Variants in VPS45 observed in about 807,000 individuals in gnomAD.
The protein encoded by VPS45 is vacuolar protein sorting 45 homolog, also known as vacuolar protein sorting-associated protein 45.
In VPS45, 35 loss-of-function variants were observed where a neutral mutation model predicts 75.9. The observed-to-expected ratio is 0.46, with a 90% CI of 0.35 to 0.61. The LOEUF (loss-of-function observed/expected upper bound fraction) is 0.61, where lower values mean the gene tolerates loss of function less well. VPS45 is among the 20% of genes least tolerant of loss of function. VPS45 has a pLI of 0.00. For missense variants in VPS45, 559 were observed against 685.9 expected (o/e 0.81, Z 2.07); for synonymous variants, 220 against 238.2 (o/e 0.92, Z 0.70).
intron 13 of VPS45, among the ~76,000 whole-genome samples, chr1:150,097,717 TCAAAACAAAA>T (rs587671669): frequency 2.0e-5 from 3 of 151,796 alleles, no homozygotes; most frequent in African/African-American, 4.8e-5. Flanking sequence ...AGGCTCCGTC[TCAAAACAAAA>T]CAAAACAAAA....
intron 10 of VPS45, 163 bp downstream of exon 10, chr1:150,083,046 G>A: frequency 2.8e-6 from 2 of 725,656 alleles, no homozygotes; most frequent in Non-Finnish European, 2.1e-6. Flanking sequence ...TCTATAAAAA[G>A]AGTCACAAGA....
chr1:150,143,455 G>A (rs1180807626), intron 14 of VPS45, among the ~76,000 whole-genome samples: 1 of 152,096 alleles, frequency 6.6e-6, no homozygotes, highest in Non-Finnish European at 1.5e-5. Context: ...CAGCATGGTA[G>A]TATATGCCTG....
chr1:150,110,594 T>C lies in VPS45; in HGVS notation c.1592T>C (p.Val531Ala). The C allele has an allele frequency of 6.2e-7, 1 of 1,613,578 alleles. No individual in the cohort carries two copies. The highest frequency in any genetic ancestry group is 8.5e-7 in the Non-Finnish European group (1 of 1,179,674). The change falls in exon 14 of 15, where the codon GTC becomes GCC. Residue 531 changes from valine (V) to alanine (A), a missense_variant. Coordinates refer to ENST00000644510, the MANE Select transcript of VPS45 (RefSeq NM_007259.5). ...CGCACCACTCCTGGAGTGAGGATTG[T>C]CCTGGGAGGCACCACAGTGCACAAC... ...LNRTTPGVRI[V>A]LGGTTVHNTK...
intron 7 of VPS45, among the ~76,000 whole-genome samples, chr1:150,080,754 A>G (rs1571830366): frequency 1.3e-5 from 2 of 152,214 alleles, no homozygotes; most frequent in South Asian, 2.1e-4. Context: ...TAAATTCTCA[A>G]TTTGTGAGAC....
intron 6 of VPS45, 57 bp from the exon 7 acceptor site, chr1:150,077,612 A>G: frequency 8.4e-7 from 1 of 1,190,896 alleles, no homozygotes; most frequent in South Asian, 1.2e-5. Context: ...TCCTATTTAT[A>G]TCATTTCTAT....
intron 3 of VPS45, among the ~76,000 whole-genome samples, chr1:150,073,731 C>T (rs1223904749): frequency 3.3e-5 from 5 of 151,846 alleles, no homozygotes; most frequent in Non-Finnish European, 5.9e-5. Context: ...GATGATAGTA[C>T]AATATCACAA....
At position 150,077,664 on chromosome 1, in the gene VPS45, C is replaced by G; in HGVS notation, c.577-5C>G. On this transcript the variant is annotated splice_polypyrimidine_tract_variant and splice_region_variant and intron_variant, in intron 6 of 14. Coordinates refer to ENST00000644510, the MANE Select transcript of VPS45 (RefSeq NM_007259.5). ...GCACAAACCATCTTTCTCTCTCACC[C>G]ACAGCAAGTGATAACTAAAGAATAT... 1.2e-6 allele frequency: 2 copies of G among 1,603,642 alleles called. No homozygotes were observed. Among genetic ancestry groups the G allele is most frequent in the East Asian group, 4.5e-5 (2 of 44,800 alleles).
At chr1:150,101,594 C>A (rs1318531431) in intron 13 of VPS45, among the ~76,000 whole-genome samples, 1 of 151,696 alleles carries the variant, frequency 6.6e-6, no homozygotes, top group Non-Finnish European at 1.5e-5. Context: ...ATTAGCCAGG[C>A]CTGGTGGCGC....
Position 150,144,985 on chromosome 1 carries a change from C to A in VPS45, c.*189C>A. The A allele has an allele frequency of 7.0e-7, 1 of 1,429,268 alleles. No individual in the cohort carries two copies. Among genetic ancestry groups the A allele is most frequent in the Non-Finnish European group, 9.4e-7 (1 of 1,062,838 alleles). 88.5% of individuals were successfully genotyped at this position (1,429,268 alleles called of 1,614,324 possible). A position where few individuals can be genotyped will look rare whatever the true frequency, so the allele number is the denominator to read the frequency against. On this transcript the variant is annotated 3_prime_UTR_variant, in exon 15 of 15. Coordinates refer to ENST00000644510, the MANE Select transcript of VPS45 (RefSeq NM_007259.5). ...GAGTTGTCCTAACAATAAGTCTGAG[C>A]CCATCTCAACCCACTTTTCTCCGGT...
At chr1:150,105,040 A>G (rs913946116) in intron 13 of VPS45, among the ~76,000 whole-genome samples, 11 of 152,326 alleles carry the variant, frequency 7.2e-5, no homozygotes, top group African/African-American at 2.6e-4. Context: ...GGTTGAACTA[A>G]TTTACATTCC....
chr1:150,106,947 T>C lies in VPS45; in HGVS notation c.1494-3549T>C, dbSNP rs587636382. Among the ~76,000 whole-genome samples, 15 of 152,296 alleles carry C rather than the reference T, an allele frequency of 9.8e-5. No homozygotes were observed. The South Asian group carries it at 2.9e-3, about 29-fold the overall frequency. On this transcript the variant is annotated intron_variant, in intron 13 of 14. Coordinates refer to ENST00000644510, the MANE Select transcript of VPS45 (RefSeq NM_007259.5). ...CAGGGGACTCTCAATTCCCACCTTA[T>C]TTTCCCCACTGCTGCATTTCACACT... is the stretch of plus-strand genomic sequence containing the variant.
chr1:150,103,535 A>G (rs1041265615), intron 13 of VPS45, among the ~76,000 whole-genome samples: 6 of 152,170 alleles, frequency 3.9e-5, no homozygotes, highest in African/African-American at 1.2e-4. Context: ...TTTTGTCCTT[A>G]CATGTATATA....
At chr1:150,088,568 C>T (rs1553801257) in intron 10 of VPS45, among the ~76,000 whole-genome samples, 5 of 147,464 alleles carry the variant, frequency 3.4e-5, no homozygotes, top group Non-Finnish European at 7.4e-5. Context: ...CAACTTCTGC[C>T]TCCCAGGCTC....
chr1:150,072,382 G>A (rs895605168), intron 3 of VPS45, among the ~76,000 whole-genome samples, 156 bp downstream of exon 3: 1 of 152,188 alleles, frequency 6.6e-6, no homozygotes, highest in East Asian at 1.9e-4. Flanking sequence ...CTTTTGACCT[G>A]CCGGGCGCGG....
At chr1:150,133,316 G>A (rs1054524489) in intron 14 of VPS45, among the ~76,000 whole-genome samples, 7 of 152,166 alleles carry the variant, frequency 4.6e-5, no homozygotes, top group East Asian at 1.9e-4. Flanking sequence ...TTGGGAGGCT[G>A]AGGTGTATGG....
chr1:150,114,601 T>G (rs1657825529), intron 14 of VPS45, among the ~76,000 whole-genome samples: 1 of 56,212 alleles, frequency 1.8e-5, no homozygotes, highest in Non-Finnish European at 3.6e-5. Context: ...AAAGGTAAAA[T>G]TAGCTGGGCA....
chr1:150,093,380 A>G, intron 12 of VPS45, 147 bp from the exon 13 acceptor site: 3 of 889,494 alleles, frequency 3.4e-6, no homozygotes, highest in Non-Finnish European at 4.9e-6. Flanking sequence ...CTAGCTGATT[A>G]AAATAATTTT....
At chr1:150,142,161 T>C (rs1371260136) in intron 14 of VPS45, among the ~76,000 whole-genome samples, 6 of 152,126 alleles carry the variant, frequency 3.9e-5, no homozygotes, top group Admixed American at 3.9e-4. Context: ...TGTGTTCTCA[T>C]TATAGTCAGG....
chr1:150,140,524 A>G (rs1488634401), intron 14 of VPS45, among the ~76,000 whole-genome samples: 2 of 151,834 alleles, frequency 1.3e-5, no homozygotes, highest in African/African-American at 2.4e-5. Flanking sequence ...TTAACTACTA[A>G]TTAATTTTAT....
Sources: gnomAD v4.1 joint callset for allele counts (sites outside exome capture counted in the v4.1 genomes callset) on GRCh38, gnomAD v4.1.1 for gene constraint, MANE v1.5 for transcripts, NCBI Gene and HGNC (gene_info 2026-07-23, HGNC 2026-07-21) for gene names.